GLRA3: variants seen among roughly 807,000 people sequenced by gnomAD.
GLRA3 encodes the protein glycine receptor alpha 3.
In GLRA3, 44 loss-of-function variants were observed where a neutral mutation model predicts 60.4. That is an observed-to-expected ratio of 0.73 (90% CI 0.57 to 0.94). The LOEUF (loss-of-function observed/expected upper bound fraction) is 0.94. GLRA3 is among the 40% of genes least tolerant of loss of function. The pLI is 0.00. For missense variants in GLRA3, 508 were observed against 564.6 expected (o/e 0.90, Z 1.02); for synonymous variants, 223 against 192.9 (o/e 1.16, Z -1.29).
Position 174,677,267 on chromosome 4 carries a change from T to C in GLRA3, c.738A>G (p.Arg246=), listed in dbSNP as rs940974153. ...ATCCCATTTGTCGCTCCAGATGGAA[T>C]CGCACTTCTATACACGTAAACTTTC... The part of the protein sequence containing the change: ...NTGKFTCIEV[R]FHLERQMGYY... Residue 246 remains arginine, a synonymous_variant, in exon 7 of 10, where the codon CGA becomes CGG. Transcript: ENST00000274093. 1.2e-6 allele frequency: 2 copies of C among 1,609,770 alleles called. No homozygotes were observed. Among genetic ancestry groups the C allele is most frequent in the African/African-American group, 2.7e-5 (2 of 74,856 alleles).
chr4:174,773,455 A>T (rs1473100573), intron 2 of GLRA3, among the ~76,000 whole-genome samples: 4 of 133,400 alleles, frequency 3.0e-5, no homozygotes, highest in Non-Finnish European at 6.8e-5. Flanking sequence ...AGGCAGACCT[A>T]GAGCAAGTAA....
At chr4:174,645,553 T>A (rs546662398) in intron 9 of GLRA3, among the ~76,000 whole-genome samples, 1 of 152,152 alleles carries the variant, frequency 6.6e-6, no homozygotes, top group African/African-American at 2.4e-5. Flanking sequence ...TGACCAAAAT[T>A]GATGCAGTAA....
intron 1 of GLRA3, among the ~76,000 whole-genome samples, chr4:174,794,538 T>A (rs1305895192): frequency 3.3e-5 from 5 of 152,076 alleles, no homozygotes; most frequent in Non-Finnish European, 7.4e-5. Context: ...TGTCCCAAAT[T>A]CCTGGTTGAA....
chr4:174,788,428 A>G (rs758368703), intron 2 of GLRA3, among the ~76,000 whole-genome samples: 12 of 152,028 alleles, frequency 7.9e-5, no homozygotes, highest in Non-Finnish European at 1.8e-4. Context: ...AGACAGTAGT[A>G]AAGTGGCTGA....
intron 7 of GLRA3, among the ~76,000 whole-genome samples, chr4:174,671,543 G>T (rs1340102596): frequency 1.3e-5 from 2 of 152,068 alleles, no homozygotes; most frequent in African/African-American, 4.8e-5. Flanking sequence ...TTCAAAAAAT[G>T]TATCAGTTCA....
chr4:174,820,629 T>C (rs1740707664), intron 1 of GLRA3, among the ~76,000 whole-genome samples: 1 of 152,134 alleles, frequency 6.6e-6, no homozygotes, highest in Non-Finnish European at 1.5e-5. Context: ...TAAACAGGAA[T>C]TAGCCAGGCA....
intron 3 of GLRA3, among the ~76,000 whole-genome samples, chr4:174,752,975 G>A (rs1281318223): frequency 1.3e-5 from 2 of 152,094 alleles, no homozygotes; most frequent in East Asian, 3.9e-4. Context: ...GTTCTCCATA[G>A]AACAAATGGC....
intron 3 of GLRA3, among the ~76,000 whole-genome samples, chr4:174,755,716 C>T (rs1390776163): frequency 3.3e-5 from 5 of 151,950 alleles, no homozygotes; most frequent in Admixed American, 3.3e-4. Flanking sequence ...GAAACTCTGA[C>T]AGAGAGATTA....
In GLRA3 at chr4:174,639,905, G is replaced by A. The variant is rs994129469; in HGVS notation, c.*3881C>T. On this transcript the variant is annotated 3_prime_UTR_variant, in exon 10 of 10. Transcript: ENST00000274093. ...AAAAACCAATGCATCTGCTGAGGAA[G>A]ATGTCTCTTATACAGGTACAAGATG... 2.0e-5 allele frequency: 3 copies of A among 152,100 alleles called. No individual in the cohort carries two copies. Among genetic ancestry groups the A allele is most frequent in the African/African-American group, 7.2e-5 (3 of 41,434 alleles). The allele number at this position is 152,100 out of a possible 1,614,324, so 9.4% of individuals were successfully genotyped here. A position where few individuals can be genotyped will look rare whatever the true frequency, so the allele number is the denominator to read the frequency against.
intron 3 of GLRA3, among the ~76,000 whole-genome samples, chr4:174,752,722 G>A (rs1222710002): frequency 6.6e-6 from 1 of 152,102 alleles, no homozygotes; most frequent in Non-Finnish European, 1.5e-5. Context: ...TGGGTTTTGC[G>A]GGTGAAGGTT....
At chr4:174,685,283 G>A (rs1206846762) in intron 5 of GLRA3, among the ~76,000 whole-genome samples, 2 of 152,120 alleles carry the variant, frequency 1.3e-5, no homozygotes, top group East Asian at 3.9e-4. Flanking sequence ...TGGTGGTAGT[G>A]ACTGGAGCCA....
chr4:174,718,418 A>G (rs972748098), intron 4 of GLRA3, among the ~76,000 whole-genome samples: 1 of 152,212 alleles, frequency 6.6e-6, no homozygotes, highest in Non-Finnish European at 1.5e-5. Flanking sequence ...TTTTCCTTTA[A>G]GAAGTCTTGG....
Position 174,710,156 on chromosome 4 carries a change from T to C in GLRA3, c.574+5332A>G, listed in dbSNP as rs575583629. 5.9e-5 allele frequency among the ~76,000 whole-genome samples: 9 copies of C among 152,158 alleles called. 1 individual carries two copies. The highest frequency in any genetic ancestry group is 2.2e-4 in the African/African-American group (9 of 41,550). ...CTGTCTTTCTCTGGCTCTCTTTTGG[T>C]GGTCGTTTTCTATGCTATCTCCAGA... On this transcript the variant is annotated intron_variant, in intron 5 of 9. Transcript: ENST00000274093.
rs1732667693 is a variant in GLRA3, at chr4:174,642,961, C to T, written c.*825G>A. Reference sequence around the variant, plus strand: ...TCAAATTATTAAACACAATCACATACAGTTAAGTAGCTATTAAAAGTCTAA... The same window carrying T: ...TCAAATTATTAAACACAATCACATATAGTTAAGTAGCTATTAAAAGTCTAA... On this transcript the variant is annotated 3_prime_UTR_variant, in exon 10 of 10. Coordinates refer to ENST00000274093, the MANE Select transcript of GLRA3 (RefSeq NM_006529.4). 3 of 820,444 alleles carry T rather than the reference C, an allele frequency of 3.7e-6. No individual in the cohort carries two copies. Among genetic ancestry groups the T allele is most frequent in the Non-Finnish European group, 4.4e-6 (3 of 680,228 alleles). 50.8% of individuals were successfully genotyped at this position (820,444 alleles called of 1,614,324 possible).
intron 7 of GLRA3, among the ~76,000 whole-genome samples, chr4:174,660,044 GTGTGTA>G (rs1241697081): frequency 6.7e-6 from 1 of 150,168 alleles, no homozygotes; most frequent in Non-Finnish European, 1.5e-5. Flanking sequence ...TTATTGTTGT[GTGTGTA>G]TGTGTGTGTA....
chr4:174,810,978 C>T (rs1462322868), intron 1 of GLRA3, among the ~76,000 whole-genome samples: 2 of 151,978 alleles, frequency 1.3e-5, no homozygotes, highest in African/African-American at 4.8e-5. Context: ...TCTTTCTTTT[C>T]TCTCTCATTC....
chr4:174,725,267 C>T (rs1011368918), intron 4 of GLRA3, among the ~76,000 whole-genome samples: 2 of 152,166 alleles, frequency 1.3e-5, no homozygotes, highest in African/African-American at 4.8e-5. Context: ...CACTGATTCT[C>T]TTTTCCATCT....
intron 2 of GLRA3, among the ~76,000 whole-genome samples, chr4:174,770,236 A>C (rs1042571678): frequency 6.6e-6 from 1 of 152,134 alleles, no homozygotes; most frequent in Non-Finnish European, 1.5e-5. Flanking sequence ...TACACATTGA[A>C]ATCACCTGGC....
intron 7 of GLRA3, among the ~76,000 whole-genome samples, chr4:174,675,010 A>G (rs536764235): frequency 3.3e-5 from 5 of 152,272 alleles, no homozygotes; most frequent in Admixed American, 3.3e-4. Flanking sequence ...GGTCTGCCCT[A>G]CTAAAATTGA....
Sources: gnomAD v4.1 joint callset for allele counts (sites outside exome capture counted in the v4.1 genomes callset) on GRCh38, gnomAD v4.1.1 for gene constraint, MANE v1.5 for transcripts, NCBI Gene and HGNC (gene_info 2026-07-23, HGNC 2026-07-21) for gene names.